The following SYNE1 variants were observed in gnomAD, a reference collection of about 807,000 sequenced individuals.
SYNE1 encodes the protein nesprin-1.
A neutral mutation model predicts 1,111.0 loss-of-function variants in SYNE1; 616 were observed. The observed-to-expected ratio is 0.55, with a 90% CI of 0.52 to 0.59. The LOEUF is 0.59. Ranked by LOEUF, SYNE1 falls within the 20% of genes least tolerant of loss-of-function variation. SYNE1 has a pLI of 0.00. For synonymous variants in SYNE1, 3,855 were observed against 3,825.8 expected (o/e 1.01, Z -0.28); for missense variants, 10,006 against 10,417.0 (o/e 0.96, Z 1.72).
At chr6:152,186,556 CAAAAAAAAAAAAAAAAAAAAAAAAAAAA>C (rs59187571) in intron 128 of SYNE1, among the ~76,000 whole-genome samples, 3 of 38,032 alleles carry the variant, frequency 7.9e-5, no homozygotes, top group Non-Finnish European at 1.3e-4. Flanking sequence ...AGCTCTGTGT[CAAAAAAAAAAAAAAAAAAAAAAAAAAAA>C]AAAAAAAAAA....
chr6:152,375,391 TAC>T (rs1426641956), intron 58 of SYNE1, among the ~76,000 whole-genome samples: 1 of 152,232 alleles, frequency 6.6e-6, no homozygotes, highest in Non-Finnish European at 1.5e-5. Flanking sequence ...CACGAGTGCT[TAC>T]ACACAGTGTT....
chr6:152,480,738 G>A (rs1186565250), intron 14 of SYNE1: 14 of 455,900 alleles, frequency 3.1e-5, no homozygotes, highest in East Asian at 6.9e-5. Context: ...AGCCCCTGTC[G>A]CTGCTTTTTA....
chr6:152,591,230 G>A (rs545161366), intron 3 of SYNE1, among the ~76,000 whole-genome samples: 20 of 152,180 alleles, frequency 1.3e-4, no homozygotes, highest in African/African-American at 3.4e-4. Flanking sequence ...GAACAAAGCC[G>A]GAGTTATCAC....
chr6:152,551,650 A>G (rs1272186278), intron 3 of SYNE1, among the ~76,000 whole-genome samples: 3 of 152,236 alleles, frequency 2.0e-5, no homozygotes. Flanking sequence ...TCACTTCTAC[A>G]TGATTAAAGA....
At chr6:152,426,157 A>G (rs2098350472) in intron 38 of SYNE1, among the ~76,000 whole-genome samples, 1 of 152,254 alleles carries the variant, frequency 6.6e-6, no homozygotes, top group Admixed American at 6.5e-5. Flanking sequence ...CTCCTACCTA[A>G]CAAAAGATAA....
In SYNE1 at chr6:152,268,037, G is replaced by A; in HGVS notation, c.18815+19C>T. ...AGGGAAACACAATGAAGAGAAAATG[G>A]AAGCATTTTGAAACATACCCAGCAT... On this transcript the variant is annotated intron_variant, in intron 100 of 145. Coordinates refer to ENST00000367255, the MANE Select transcript of SYNE1 (RefSeq NM_182961.4). The A allele has an allele frequency of 1.3e-6, 2 of 1,580,782 alleles. No individual in the cohort carries two copies. The highest frequency in any genetic ancestry group is 1.3e-5 in the African/African-American group (1 of 74,346).
In SYNE1 at chr6:152,456,009, G is replaced by T. The variant is rs114048517; in HGVS notation, c.2604C>A (p.Thr868=). The T allele has an allele frequency of 9.3e-6, 15 of 1,613,744 alleles. No individual in the cohort carries two copies. The African/African-American group carries it at 1.3e-4, about 14-fold the overall frequency. The change falls in exon 23 of 146, where the codon ACC becomes ACA. Residue 868 remains threonine (T), a synonymous_variant. Coordinates refer to ENST00000367255, the MANE Select transcript of SYNE1 (RefSeq NM_182961.4). The part of the protein sequence containing the change: ...LLACQENCKK[T]LTLIEKGSQS... ...GACTGCCTTTCTCAATAAGTGTCAA[G>T]GTTTTCTTACAGTTTTCTTGACAAG...
chr6:152,356,615 T>G (rs891511580), intron 66 of SYNE1, among the ~76,000 whole-genome samples: 4 of 151,758 alleles, frequency 2.6e-5, no homozygotes, highest in Non-Finnish European at 5.9e-5. Context: ...AAATAATTTC[T>G]GAATATGTTC....
At chr6:152,182,994 G>C (rs541582327) in intron 128 of SYNE1, among the ~76,000 whole-genome samples, 2 of 133,480 alleles carry the variant, frequency 1.5e-5, no homozygotes, top group African/African-American at 6.0e-5. Flanking sequence ...AGTGAACTTG[G>C]GGTAGGGCCT....
chr6:152,263,576 C>A (rs1287977029), intron 100 of SYNE1, among the ~76,000 whole-genome samples: 2 of 149,248 alleles, frequency 1.3e-5, no homozygotes, highest in East Asian at 2.0e-4. Flanking sequence ...TTTTTTAATT[C>A]TTTGTAGAGA....
At chr6:152,341,011 C>G (rs2096524877) in intron 74 of SYNE1, among the ~76,000 whole-genome samples, 1 of 152,138 alleles carries the variant, frequency 6.6e-6, no homozygotes, top group Non-Finnish European at 1.5e-5. Flanking sequence ...AGGATTTTCC[C>G]AAATCATAGA....
At chr6:152,382,180 T>C (rs897538446) in intron 55 of SYNE1, among the ~76,000 whole-genome samples, 2 of 152,198 alleles carry the variant, frequency 1.3e-5, no homozygotes, top group African/African-American at 4.8e-5. Flanking sequence ...CTTGGTGAAA[T>C]AATCATCCGA....
At chr6:152,520,946 C>T (rs2099135903) in intron 5 of SYNE1, among the ~76,000 whole-genome samples, 2 of 152,044 alleles carry the variant, frequency 1.3e-5, no homozygotes, top group Admixed American at 1.3e-4. Flanking sequence ...AAAACAAAGT[C>T]AGGACCCACA....
At chr6:152,522,885 G>A (rs74892873) in intron 5 of SYNE1, among the ~76,000 whole-genome samples, 4,086 of 151,860 alleles carry the variant, frequency 0.027, 212 homozygotes, top group African/African-American at 0.094. Flanking sequence ...ATTTGCCCAC[G>A]TTTTGATGGT....
intron 11 of SYNE1, among the ~76,000 whole-genome samples, chr6:152,496,563 C>T (rs1403670091): frequency 6.6e-6 from 1 of 152,138 alleles, no homozygotes; most frequent in Non-Finnish European, 1.5e-5. Flanking sequence ...AATGCTCCTT[C>T]TAACAACCCC....
intron 22 of SYNE1, chr6:152,456,657 T>TG: frequency 2.3e-6 from 1 of 428,088 alleles, no homozygotes; most frequent in Non-Finnish European, 4.6e-6. Context: ...CAAGATGCAA[T>TG]GGTGACTTAC....
chr6:152,416,625 T>G lies in SYNE1; in HGVS notation c.5812A>C (p.Lys1938Gln). Reference protein sequence around the residue: ...GILSKAQYHLKIGSSEQRTSC... With the variant: ...GILSKAQYHLQIGSSEQRTSC... ...GTCCTTTGCTCAGAGCTCCCGATTT[T>G]CAGATGGTATTGGGCTTTGGAAAGA... The change falls in exon 41 of 146, where the codon AAA becomes CAA. Residue 1938 changes from lysine (K) to glutamine (Q), a missense_variant. This residue lies in a region of SYNE1 where 4,955 missense variants were observed against 5,017.2 expected (regional missense o/e 0.99). Transcript: ENST00000367255. 1 of 1,614,160 alleles carries G rather than the reference T, an allele frequency of 6.2e-7. No homozygotes were observed. Among genetic ancestry groups the G allele is most frequent in the Non-Finnish European group, 8.5e-7 (1 of 1,180,028 alleles).
Position 152,325,312 on chromosome 6 carries a change from G to A in SYNE1, c.15439-10C>T. 6.2e-7 allele frequency: 1 copy of A among 1,613,742 alleles called. No individual in the cohort carries two copies. The highest frequency in any genetic ancestry group is 8.5e-7 in the Non-Finnish European group (1 of 1,179,650). On this transcript the variant is annotated splice_polypyrimidine_tract_variant and intron_variant, in intron 80 of 145. Coordinates refer to ENST00000367255, the MANE Select transcript of SYNE1 (RefSeq NM_182961.4). ...CCACTGACACTAAAGCCTAGGGTTG[G>A]GGGTGGAGGACGGAAGAGAGGAGAC...
chr6:152,507,806 C>G (rs924314211), intron 8 of SYNE1, among the ~76,000 whole-genome samples: 1 of 152,076 alleles, frequency 6.6e-6, no homozygotes, highest in Non-Finnish European at 1.5e-5. Context: ...TAACTTAAAG[C>G]TTTTATTTCT....
Sources: gnomAD v4.1 joint callset for allele counts (sites outside exome capture counted in the v4.1 genomes callset) on GRCh38, gnomAD v4.1.1 for gene constraint, gnomAD v4.1.1 regional missense constraint, MANE v1.5 for transcripts, NCBI Gene and HGNC (gene_info 2026-07-23, HGNC 2026-07-21) for gene names.